The following FAM3B variants were observed in gnomAD, a reference collection of about 807,000 sequenced individuals.
FAM3B encodes FAM3 metabolism regulating signaling molecule B, also known as protein FAM3B.
A neutral mutation model predicts 28.4 loss-of-function variants in FAM3B; 29 were observed. That is an observed-to-expected ratio of 1.02 (90% CI 0.76 to 1.39). FAM3B has a LOEUF of 1.39. Ranked by LOEUF, FAM3B falls within the 40% of genes most tolerant of loss-of-function variation. The pLI is 0.00. For synonymous variants in FAM3B, 91 were observed against 103.0 expected (o/e 0.88, Z 0.71); for missense variants, 266 against 293.9 (o/e 0.91, Z 0.69).
Position 41,332,689 on chromosome 21 carries a change from G to A in FAM3B, c.164-5689G>A, listed in dbSNP as rs185769700. Among the ~76,000 whole-genome samples the A allele has an allele frequency of 1.2e-4, 18 of 152,108 alleles. No homozygotes were observed. The East Asian group carries it at 1.4e-3, about 11-fold the overall frequency. The stretch of plus-strand genomic sequence containing the variant: ...TGAGAGACTTTTTATTACTGACTTC[G>A]TCTCCTCACATTTATTGGTCTGTTC... On this transcript the variant is annotated intron_variant, in intron 2 of 7. Coordinates refer to ENST00000357985, the MANE Select transcript of FAM3B (RefSeq NM_058186.4).
intron 2 of FAM3B, among the ~76,000 whole-genome samples, chr21:41,327,504 C>T (rs1258161636): frequency 6.6e-6 from 1 of 152,200 alleles, no homozygotes; most frequent in Non-Finnish European, 1.5e-5. Context: ...GCCTTATTCA[C>T]CTTGCATTCC....
rs1286691389 is a variant in FAM3B at position 41,341,476 on chromosome 21, T to G, written c.287+2975T>G. On this transcript the variant is annotated intron_variant, in intron 3 of 7. Transcript: ENST00000357985. ...CTTCCTGCCCAATGGTAACCTGGATTTTTTTTGGTGGTGATTTATTTCCTC... is the reference window on the plus strand; with the variant it reads ...CTTCCTGCCCAATGGTAACCTGGATGTTTTTTGGTGGTGATTTATTTCCTC... Among the ~76,000 whole-genome samples, 4 of 152,198 alleles carry G rather than the reference T, an allele frequency of 2.6e-5. No homozygotes were observed. In the South Asian group the frequency reaches 8.3e-4, roughly 32 times the overall value.
chr21:41,307,660 G>T (rs1046686452), intron 1 of FAM3B, among the ~76,000 whole-genome samples: 1 of 152,156 alleles, frequency 6.6e-6, no homozygotes, highest in Non-Finnish European at 1.5e-5. Flanking sequence ...ATTCAATATT[G>T]TTGTATCTCA....
At chr21:41,308,702 A>C (rs1412233063) in intron 1 of FAM3B, among the ~76,000 whole-genome samples, 1 of 151,074 alleles carries the variant, frequency 6.6e-6, no homozygotes, top group Non-Finnish European at 1.5e-5. Flanking sequence ...CCTACACCCG[A>C]CTAATTTTGT....
upstream of FAM3B, among the ~76,000 whole-genome samples, chr21:41,316,138 T>G (rs947343342): frequency 6.6e-6 from 1 of 152,206 alleles, no homozygotes; most frequent in African/African-American, 2.4e-5. Flanking sequence ...GAGCTATTCC[T>G]GTTTGGGGAT....
rs1190801131 is a variant in FAM3B at position 41,357,491 on chromosome 21, CTA to C, written c.*296_*297del. On this transcript the variant is annotated 3_prime_UTR_variant, in exon 8 of 8. Transcript: ENST00000357985. ...GGAGAAACAGCTTGTCCAGGTGGAG[CTA>C]TGTTATGATCAGATCGAAGTGTGAC... 1 of 265,916 alleles carries C rather than the reference CTA, an allele frequency of 3.8e-6. No homozygotes were observed. Among genetic ancestry groups the C allele is most frequent in the Admixed American group, 5.2e-5 (1 of 19,406 alleles). 16.5% of individuals were successfully genotyped at this position (265,916 alleles called of 1,614,324 possible). A position where few individuals can be genotyped will look rare whatever the true frequency, so the allele number is the denominator to read the frequency against.
At chr21:41,325,290 G>T (rs1439809747) in intron 2 of FAM3B, among the ~76,000 whole-genome samples, 1 of 152,152 alleles carries the variant, frequency 6.6e-6, no homozygotes, top group Non-Finnish European at 1.5e-5. Flanking sequence ...ATGGCTTCTG[G>T]TCTTTGGTTT....
At chr21:41,335,139 T>C (rs1282630506) in intron 2 of FAM3B, among the ~76,000 whole-genome samples, 1 of 152,196 alleles carries the variant, frequency 6.6e-6, no homozygotes, top group Admixed American at 6.5e-5. Context: ...TTTACAGGCT[T>C]GTAGGTGGAA....
At chr21:41,313,988 C>A (rs2088730114), upstream of FAM3B, among the ~76,000 whole-genome samples, 1 of 152,070 alleles carries the variant, frequency 6.6e-6, no homozygotes, top group Non-Finnish European at 1.5e-5. Flanking sequence ...GAATTGCATC[C>A]ACCCCCACCA....
chr21:41,314,940 A>G (rs975367896), upstream of FAM3B, among the ~76,000 whole-genome samples: 4 of 152,186 alleles, frequency 2.6e-5, no homozygotes, highest in Non-Finnish European at 5.9e-5. Flanking sequence ...CTCAGTATGT[A>G]TCCAAAAGAA....
intron 2 of FAM3B, among the ~76,000 whole-genome samples, chr21:41,333,977 G>T (rs2088929859): frequency 6.6e-6 from 1 of 152,190 alleles, no homozygotes. Flanking sequence ...GCTGCATTGT[G>T]CCCCTGACCT....
intron 2 of FAM3B, among the ~76,000 whole-genome samples, chr21:41,327,965 C>T (rs1002417412): frequency 2.2e-4 from 33 of 152,224 alleles, no homozygotes; most frequent in Middle Eastern, 3.2e-3. Context: ...CCTCTTCACC[C>T]TCCAGCTGAG....
chr21:41,328,095 A>T (rs145380984), intron 2 of FAM3B, among the ~76,000 whole-genome samples: 202 of 152,316 alleles, frequency 1.3e-3, no homozygotes, highest in African/African-American at 4.7e-3. Flanking sequence ...CGAACCATGG[A>T]GCTGTCTTGC....
intron 7 of FAM3B, among the ~76,000 whole-genome samples, chr21:41,352,482 C>T (rs2145834393): frequency 6.6e-6 from 1 of 152,120 alleles, no homozygotes. Flanking sequence ...AGGGAAGGTG[C>T]ATTATCACAT....
chr21:41,309,879 A>T (rs969788860), intron 1 of FAM3B, among the ~76,000 whole-genome samples: 2 of 152,204 alleles, frequency 1.3e-5, no homozygotes, highest in Non-Finnish European at 2.9e-5. Flanking sequence ...CCCAGAACAA[A>T]AGGGGAGCAA....
chr21:41,348,187 G>A (rs1320200052), intron 6 of FAM3B, among the ~76,000 whole-genome samples: 2 of 152,176 alleles, frequency 1.3e-5, no homozygotes, highest in Non-Finnish European at 2.9e-5. Flanking sequence ...ATTATGAAAA[G>A]GGGGCAGTTT....
At chr21:41,351,418 C>G (rs1002901928) in intron 7 of FAM3B, among the ~76,000 whole-genome samples, 1 of 152,180 alleles carries the variant, frequency 6.6e-6, no homozygotes, top group African/African-American at 2.4e-5. Flanking sequence ...CTAAACACAG[C>G]AAGCAGTCAG....
intron 7 of FAM3B, 98 bp downstream of exon 7, chr21:41,348,822 A>G (rs1250115379): frequency 5.2e-6 from 7 of 1,344,450 alleles, no homozygotes; most frequent in South Asian, 1.3e-5. Context: ...GTCTCCAAAC[A>G]TAAGAGTTGT....
At chr21:41,335,247 T>G (rs1347535609) in intron 2 of FAM3B, among the ~76,000 whole-genome samples, 1 of 152,176 alleles carries the variant, frequency 6.6e-6, no homozygotes, top group Admixed American at 6.5e-5. Context: ...AAAGCATCAT[T>G]GTATTTTGCA....
Sources: allele counts gnomAD v4.1 joint callset (sites outside exome capture counted in the v4.1 genomes callset), GRCh38; gene constraint gnomAD v4.1.1; transcripts MANE v1.5; gene names NCBI Gene and HGNC (gene_info 2026-07-23, HGNC 2026-07-21).